Variants in GALNT10 observed in about 807,000 individuals in gnomAD.
GALNT10 encodes the protein GalNAc transferase 10.
A neutral mutation model predicts 75.0 loss-of-function variants in GALNT10; 41 were observed. That is an observed-to-expected ratio of 0.55 (90% confidence interval 0.43 to 0.71). The LOEUF is 0.71. Ranked by LOEUF, GALNT10 falls within the 30% of genes least tolerant of loss-of-function variation. GALNT10 has a pLI of 0.00. For synonymous variants in GALNT10, 302 were observed against 313.0 expected (o/e 0.96, Z 0.37); for missense variants, 727 against 818.5 (o/e 0.89, Z 1.36).
At chr5:154,211,084 A>G (rs1472996447) in intron 1 of GALNT10, among the ~76,000 whole-genome samples, 1 of 152,246 alleles carries the variant, frequency 6.6e-6, no homozygotes, top group African/African-American at 2.4e-5. Context: ...ATTATTTTAC[A>G]ATAAAAAGTT....
chr5:154,285,600 T>TA (rs201783139), intron 1 of GALNT10, among the ~76,000 whole-genome samples: 226 of 151,996 alleles, frequency 1.5e-3, no homozygotes, highest in African/African-American at 5.4e-3. Context: ...ACCCTATTTT[T>TA]AAAAAAAATC....
At chr5:154,382,108 C>T (rs1438276926) in intron 6 of GALNT10, among the ~76,000 whole-genome samples, 1 of 152,216 alleles carries the variant, frequency 6.6e-6, no homozygotes, top group Non-Finnish European at 1.5e-5. Context: ...ATCTGAGAAG[C>T]AGGACTGTTG....
chr5:154,250,380 C>G (rs1254474099), intron 1 of GALNT10, among the ~76,000 whole-genome samples: 1 of 152,166 alleles, frequency 6.6e-6, no homozygotes, highest in Non-Finnish European at 1.5e-5. Flanking sequence ...GAAGACCCAG[C>G]TCATTTAAAT....
chr5:154,392,585 T>C (rs1272344293), intron 7 of GALNT10: 3 of 152,294 alleles, frequency 2.0e-5, no homozygotes, highest in South Asian at 2.1e-4. Flanking sequence ...TAGGATCAAA[T>C]GAGATGCTGT....
intron 1 of GALNT10, among the ~76,000 whole-genome samples, chr5:154,269,493 G>A (rs1753829130): frequency 6.6e-6 from 1 of 152,190 alleles, no homozygotes. Flanking sequence ...GTATCAGAAG[G>A]ACACTAAAAG....
intron 1 of GALNT10, among the ~76,000 whole-genome samples, chr5:154,286,016 A>G (rs561764783): frequency 1.2e-4 from 18 of 152,182 alleles, no homozygotes; most frequent in South Asian, 2.1e-4. Flanking sequence ...CTGTAATCCA[A>G]TTTTCTCAAG....
chr5:154,205,092 T>G lies in GALNT10; in HGVS notation c.159+14067T>G, dbSNP rs185966842. Among the ~76,000 whole-genome samples the G allele has an allele frequency of 3.3e-5, 5 of 152,354 alleles. No homozygotes were observed. The East Asian group carries it at 9.6e-4, about 29-fold the overall frequency. On this transcript the variant is annotated intron_variant, in intron 1 of 11. Transcript: ENST00000297107. ...TTTGGACACCACTCTGTTCTTGGTG[T>G]TGTGGGAAATTGCACACTTTCACCC...
chr5:154,335,883 A>G (rs1754938594), intron 4 of GALNT10, among the ~76,000 whole-genome samples: 1 of 152,192 alleles, frequency 6.6e-6, no homozygotes, highest in South Asian at 2.1e-4. Flanking sequence ...TGTACATTCT[A>G]TGGATTTGGA....
intron 1 of GALNT10, among the ~76,000 whole-genome samples, chr5:154,290,303 G>A (rs7724119): frequency 0.12 from 15,536 of 128,984 alleles, 1,013 homozygotes; most frequent in African/African-American, 0.21. Context: ...GTAGAGACAC[G>A]GTTTCACCAT....
At chr5:154,239,561 C>T (rs1561637742) in intron 1 of GALNT10, among the ~76,000 whole-genome samples, 1 of 152,230 alleles carries the variant, frequency 6.6e-6, no homozygotes, top group South Asian at 2.1e-4. Context: ...CCCCTCACCC[C>T]CCGGACCCCG....
rs577698272 is a variant in GALNT10 at position 154,373,503 on chromosome 5, C to T, written c.569-2774C>T. The stretch of plus-strand genomic sequence containing the variant: ...AGCAGCTCGTATCATCCACTCTGAG[C>T]CTCGGCATCTCCTTCTATAGTAGCC... On this transcript the variant is annotated intron_variant, in intron 4 of 11. Coordinates refer to ENST00000297107, the MANE Select transcript of GALNT10 (RefSeq NM_198321.4). Among the ~76,000 whole-genome samples the T allele has an allele frequency of 5.3e-5, 8 of 152,238 alleles. No individual in the cohort carries two copies. In the East Asian group the frequency reaches 1.5e-3, roughly 29 times the overall value.
Position 154,409,820 on chromosome 5 carries a change from C to G in GALNT10, c.1386+58C>G. ...TTAATGGGTGTGCAAAATGCAAATG[C>G]AGATCCCATGTTCAAAAGGTAGAAA... On this transcript the variant is annotated intron_variant, in intron 9 of 11. Coordinates refer to ENST00000297107, the MANE Select transcript of GALNT10 (RefSeq NM_198321.4). The surrounding 1 kb of genome is among the most constrained non-coding windows in gnomAD (Gnocchi z 4.5). 2 of 1,115,134 alleles carry G rather than the reference C, an allele frequency of 1.8e-6. No individual in the cohort carries two copies. 69.1% of individuals were successfully genotyped at this position (1,115,134 alleles called of 1,614,324 possible). A position where few individuals can be genotyped will look rare whatever the true frequency, so the allele number is the denominator to read the frequency against.
intron 1 of GALNT10, among the ~76,000 whole-genome samples, chr5:154,272,684 A>G (rs1432555249): frequency 6.6e-6 from 1 of 152,160 alleles, no homozygotes; most frequent in Non-Finnish European, 1.5e-5. Flanking sequence ...CCTCATCTAT[A>G]AAATAGGAAC....
chr5:154,397,442 A>G (rs1285505382), intron 7 of GALNT10, among the ~76,000 whole-genome samples: 1 of 152,188 alleles, frequency 6.6e-6, no homozygotes, highest in Non-Finnish European at 1.5e-5. Context: ...GAGCTTCTAC[A>G]TTACCTCATT....
chr5:154,300,099 G>T (rs1332568705), intron 3 of GALNT10, among the ~76,000 whole-genome samples: 1 of 152,138 alleles, frequency 6.6e-6, no homozygotes, highest in Non-Finnish European at 1.5e-5. Flanking sequence ...GCCTCCCAAA[G>T]TGTCGGGATT....
At chr5:154,336,085 A>G (rs1754940725) in intron 4 of GALNT10, among the ~76,000 whole-genome samples, 1 of 152,244 alleles carries the variant, frequency 6.6e-6, no homozygotes, top group Non-Finnish European at 1.5e-5. Context: ...CATACAGTAT[A>G]TAAAACCTTT....
chr5:154,348,019 GCTGT>G (rs1428957581), intron 4 of GALNT10, among the ~76,000 whole-genome samples: 2 of 152,196 alleles, frequency 1.3e-5, no homozygotes, highest in South Asian at 2.1e-4. Context: ...CATTTAAAGA[GCTGT>G]CTGTCTGTGT....
intron 1 of GALNT10, among the ~76,000 whole-genome samples, chr5:154,196,614 C>T (rs1774944289): frequency 6.6e-6 from 1 of 151,714 alleles, no homozygotes. Context: ...CTCTTTCAGA[C>T]CTCAGATCCA....
At position 154,191,034 on chromosome 5, in the gene GALNT10, C is replaced by T; in HGVS notation, c.159+9C>T. 6 of 1,414,220 alleles carry T rather than the reference C, an allele frequency of 4.2e-6. No homozygotes were observed. In the Middle Eastern group the frequency reaches 5.5e-4, roughly 129 times the overall value. The allele number at this position is 1,414,220 out of a possible 1,614,324, so 87.6% of individuals were successfully genotyped here. ...CGCCGGCGGCGGGACAGGTGAGTCC[C>T]CCCGTTGCTACAGGCCGGGAACACC... is the stretch of plus-strand genomic sequence containing the variant. On this transcript the variant is annotated intron_variant, in intron 1 of 11. Coordinates refer to ENST00000297107, the MANE Select transcript of GALNT10 (RefSeq NM_198321.4).
Sources: allele counts gnomAD v4.1 joint callset (sites outside exome capture counted in the v4.1 genomes callset), GRCh38; gene constraint gnomAD v4.1.1; non-coding constraint Gnocchi (gnomAD v3.1); transcripts MANE v1.5; gene names NCBI Gene and HGNC (gene_info 2026-07-23, HGNC 2026-07-21).